Variants in RBMS1 observed in about 807,000 individuals in gnomAD.
The protein encoded by RBMS1 is RNA-binding motif, single-stranded-interacting protein 1.
A neutral mutation model predicts 62.3 loss-of-function variants in RBMS1; 17 were observed. The observed-to-expected ratio is 0.27, with a 90% CI of 0.19 to 0.41. The LOEUF (loss-of-function observed/expected upper bound fraction) is 0.41. Among genes scored for constraint, RBMS1 ranks in the 10% least tolerant of loss-of-function variants. The pLI is 1.00. For synonymous variants in RBMS1, 172 were observed against 170.0 expected (o/e 1.01, Z -0.09); for missense variants, 334 against 504.5 (o/e 0.66, Z 3.24).
intron 6 of RBMS1, among the ~76,000 whole-genome samples, chr2:160,298,026 T>C (rs1689027392): frequency 6.6e-6 from 1 of 152,072 alleles, no homozygotes; most frequent in African/African-American, 2.4e-5. Flanking sequence ...GAGAATACCT[T>C]AGAGAGGTAA....
chr2:160,303,508 G>A (rs762629874), intron 4 of RBMS1, 21 bp from the exon 5 acceptor site: 2 of 1,583,316 alleles, frequency 1.3e-6, no homozygotes, highest in Non-Finnish European at 1.7e-6. Flanking sequence ...AGAGAGTGTT[G>A]TCCATTAATT....
chr2:160,412,491 T>C (rs185824028), intron 1 of RBMS1, among the ~76,000 whole-genome samples: 1 of 152,334 alleles, frequency 6.6e-6, no homozygotes, highest in Non-Finnish European at 1.5e-5. Flanking sequence ...AAAGATTTAC[T>C]AAGTCTTATG....
intron 2 of RBMS1, among the ~76,000 whole-genome samples, chr2:160,328,692 A>G (rs1241629941): frequency 6.6e-6 from 1 of 152,144 alleles, no homozygotes; most frequent in East Asian, 1.9e-4. Flanking sequence ...CAAAACTATA[A>G]GGGGCTGGGG....
At chr2:160,343,943 G>A (rs893817184) in intron 2 of RBMS1, among the ~76,000 whole-genome samples, 1 of 152,076 alleles carries the variant, frequency 6.6e-6, no homozygotes, top group Non-Finnish European at 1.5e-5. Context: ...TCGCAAATAT[G>A]TTTTAAATAA....
intron 6 of RBMS1, among the ~76,000 whole-genome samples, chr2:160,288,521 T>G (rs1421725435): frequency 6.6e-6 from 1 of 152,190 alleles, no homozygotes; most frequent in African/African-American, 2.4e-5. Context: ...TTCCCTGGTG[T>G]GAACCACTCT....
intron 12 of RBMS1, among the ~76,000 whole-genome samples, chr2:160,276,101 C>G (rs1687818459): frequency 6.6e-6 from 1 of 152,084 alleles, no homozygotes; most frequent in African/African-American, 2.4e-5. Context: ...ACCTCATAAG[C>G]AAACATATTA....
At chr2:160,297,375 T>TC (rs1440750985) in intron 6 of RBMS1, among the ~76,000 whole-genome samples, 1 of 152,148 alleles carries the variant, frequency 6.6e-6, no homozygotes, top group Non-Finnish European at 1.5e-5. Context: ...CATTTCAATT[T>TC]CCCCCCACAT....
At chr2:160,277,601 C>G in intron 11 of RBMS1, 1 of 386,574 alleles carries the variant, frequency 2.6e-6, no homozygotes, top group African/African-American at 2.0e-5. Flanking sequence ...TTCCACATTT[C>G]TTTGGATTTG....
intron 1 of RBMS1, among the ~76,000 whole-genome samples, chr2:160,430,256 T>A (rs1682833132): frequency 6.6e-6 from 1 of 152,236 alleles, no homozygotes; most frequent in Non-Finnish European, 1.5e-5. Context: ...TTTTAAGTCA[T>A]TTTTAAGTCA....
At chr2:160,457,892 T>C (rs766201294) in intron 1 of RBMS1, among the ~76,000 whole-genome samples, 2 of 152,072 alleles carry the variant, frequency 1.3e-5, no homozygotes, top group East Asian at 1.9e-4. Flanking sequence ...AAAACAAATA[T>C]GCAAAAAATA....
chr2:160,278,198 T>C, intron 11 of RBMS1: 1 of 258,704 alleles, frequency 3.9e-6, no homozygotes, highest in Non-Finnish European at 7.5e-6. Context: ...AAGCGAGAAA[T>C]AATTCCCTGC....
At chr2:160,461,566 C>T (rs975175086) in intron 1 of RBMS1, among the ~76,000 whole-genome samples, 5 of 152,156 alleles carry the variant, frequency 3.3e-5, no homozygotes, top group Non-Finnish European at 7.3e-5. Flanking sequence ...AGGAAAGCTG[C>T]GGTTGGCTGG....
chr2:160,278,878 G>A, intron 10 of RBMS1: 2 of 470,412 alleles, frequency 4.3e-6, no homozygotes, highest in South Asian at 2.6e-5. Flanking sequence ...TGATATCTTG[G>A]CATTCACTTC....
At chr2:160,476,049 G>A (rs1471002035) in intron 1 of RBMS1, among the ~76,000 whole-genome samples, 2 of 151,856 alleles carry the variant, frequency 1.3e-5, no homozygotes, top group Non-Finnish European at 2.9e-5. Context: ...GTAGAGATGG[G>A]GTTTTGCCAT....
At chr2:160,284,723 G>A in intron 9 of RBMS1, 52 bp downstream of exon 9, 1 of 1,315,730 alleles carries the variant, frequency 7.6e-7, no homozygotes, top group East Asian at 2.3e-5. Context: ...ATGTAGCAGA[G>A]ATTCATGGTC....
chr2:160,318,229 T>TAAAAAAAAAATAA lies in RBMS1; in HGVS notation c.252-3_252-2insTTATTTTTTTTTT. 1 of 1,163,254 alleles carries TAAAAAAAAAATAA rather than the reference T, an allele frequency of 8.6e-7. No homozygotes were observed. Among genetic ancestry groups the TAAAAAAAAAATAA allele is most frequent in the South Asian group, 2.0e-5 (1 of 49,526 alleles). 72.1% of individuals were successfully genotyped at this position (1,163,254 alleles called of 1,614,324 possible). A position where few individuals can be genotyped will look rare whatever the true frequency, so the allele number is the denominator to read the frequency against. ...TTTGTGGAGACTATTTTCCCATATC[T>TAAAAAAAAAATAA]AAAAAAAAAAAAAAAAAAAAAAAGG... On this transcript the variant is annotated splice_polypyrimidine_tract_variant and splice_region_variant and intron_variant, in intron 2 of 13. Coordinates refer to ENST00000348849, the MANE Select transcript of RBMS1 (RefSeq NM_016836.4).
At chr2:160,400,679 T>C (rs1157668850) in intron 1 of RBMS1, among the ~76,000 whole-genome samples, 2 of 152,194 alleles carry the variant, frequency 1.3e-5, no homozygotes, top group Non-Finnish European at 2.9e-5. Context: ...CTCATGTACA[T>C]AAATTTGTGC....
chr2:160,493,518 G>C lies in RBMS1; in HGVS notation c.-155C>G. 1 of 649,270 alleles carries C rather than the reference G, an allele frequency of 1.5e-6. No individual in the cohort carries two copies. Among genetic ancestry groups the C allele is most frequent in the Non-Finnish European group, 2.7e-6 (1 of 367,336 alleles). 40.2% of individuals were successfully genotyped at this position (649,270 alleles called of 1,614,324 possible). Reference sequence around the variant, plus strand: ...CTGCTCCACCTCCCAGCCGGGACCAGACGTCCTCCTCCTCCTCCTCCTCTT... The same window carrying C: ...CTGCTCCACCTCCCAGCCGGGACCACACGTCCTCCTCCTCCTCCTCCTCTT... On this transcript the variant is annotated 5_prime_UTR_variant, in exon 1 of 14. Transcript: ENST00000348849.
chr2:160,377,301 T>A (rs899132166), intron 1 of RBMS1, among the ~76,000 whole-genome samples: 4 of 152,248 alleles, frequency 2.6e-5, no homozygotes, highest in African/African-American at 9.6e-5. Context: ...TGTAACCCAC[T>A]GAACTGATAC....
Sources: allele counts gnomAD v4.1 joint callset (sites outside exome capture counted in the v4.1 genomes callset), GRCh38; gene constraint gnomAD v4.1.1; transcripts MANE v1.5; gene names NCBI Gene and HGNC (gene_info 2026-07-23, HGNC 2026-07-21).